Variants in ADAMTS6 observed in about 807,000 individuals in gnomAD.
ADAMTS6 encodes ADAM metallopeptidase with thrombospondin type 1 motif 6.
ADAMTS6 carries 23 observed loss-of-function variants against 144.3 expected under a neutral mutation model. The ratio of observed to expected loss-of-function variants is 0.16; its 90% CI spans 0.11 to 0.23. ADAMTS6 has a LOEUF of 0.23. Ranked by LOEUF, ADAMTS6 falls within the 10% of genes least tolerant of loss-of-function variation. The pLI, the probability that ADAMTS6 is intolerant of heterozygous loss-of-function variation, is 1.00. For missense variants in ADAMTS6, 999 were observed against 1,379.6 expected (o/e 0.72, Z 4.37); for synonymous variants, 444 against 457.5 (o/e 0.97, Z 0.38).
chr5:65,384,702 T>C (rs1226046862), intron 7 of ADAMTS6, among the ~76,000 whole-genome samples: 1 of 152,222 alleles, frequency 6.6e-6, no homozygotes, highest in East Asian at 1.9e-4. Context: ...TTCACAGCTA[T>C]GTACCACAAA....
At chr5:65,478,592 T>G (rs1419370609) in intron 1 of ADAMTS6, among the ~76,000 whole-genome samples, 1 of 152,344 alleles carries the variant, frequency 6.6e-6, no homozygotes. Flanking sequence ...CTTCCTTCAT[T>G]ATCTAACATC....
rs563571061 is a variant in ADAMTS6 at position 65,371,032 on chromosome 5, C to A, written c.1074-36947G>T. On this transcript the variant is annotated intron_variant, in intron 7 of 24. Coordinates refer to ENST00000381055, the MANE Select transcript of ADAMTS6 (RefSeq NM_197941.4). ...GGGGCACACTGACACCTCACATGGC[C>A]GGGTACTCCAACAGACCTGCAGCTG... Among the ~76,000 whole-genome samples, 870 of 152,084 alleles carry A rather than the reference C, an allele frequency of 5.7e-3. 5 individuals are homozygous for A. Among genetic ancestry groups the A allele is most frequent in the African/African-American group, 0.016 (651 of 41,506 alleles).
chr5:65,304,171 T>C (rs1417184680), intron 9 of ADAMTS6, among the ~76,000 whole-genome samples: 2 of 152,194 alleles, frequency 1.3e-5, no homozygotes, highest in Admixed American at 1.3e-4. Context: ...TAAGAGAATA[T>C]ATACTTCTGT....
At chr5:65,381,787 GA>G (rs1391445822) in intron 7 of ADAMTS6, among the ~76,000 whole-genome samples, 1 of 151,924 alleles carries the variant, frequency 6.6e-6, no homozygotes, top group Non-Finnish European at 1.5e-5. Context: ...TTAAAAAAAT[GA>G]AACTAAAGAA....
intron 7 of ADAMTS6, among the ~76,000 whole-genome samples, chr5:65,359,649 T>G (rs756416694): frequency 6.6e-5 from 10 of 152,140 alleles, no homozygotes; most frequent in Non-Finnish European, 1.5e-4. Context: ...AATGAAAACA[T>G]TCTACATAAA....
intron 7 of ADAMTS6, among the ~76,000 whole-genome samples, chr5:65,391,498 T>G (rs1752911674): frequency 6.6e-6 from 1 of 151,970 alleles, no homozygotes; most frequent in South Asian, 2.1e-4. Context: ...CCCCTTAATA[T>G]TTCAGTATGT....
intron 9 of ADAMTS6, among the ~76,000 whole-genome samples, chr5:65,312,479 G>A (rs1333742137): frequency 6.6e-6 from 1 of 151,964 alleles, no homozygotes; most frequent in Non-Finnish European, 1.5e-5. Context: ...TACCCAATAG[G>A]ATAATTATTA....
At chr5:65,273,824 TAA>T (rs1762244015) in intron 11 of ADAMTS6, among the ~76,000 whole-genome samples, 1 of 152,102 alleles carries the variant, frequency 6.6e-6, no homozygotes, top group Non-Finnish European at 1.5e-5. Context: ...CAATTACTAA[TAA>T]AGAGATGCCA....
chr5:65,439,223 C>T (rs995899750), intron 7 of ADAMTS6, among the ~76,000 whole-genome samples: 2 of 151,648 alleles, frequency 1.3e-5, no homozygotes, highest in Non-Finnish European at 2.9e-5. Flanking sequence ...GAAAGAATAA[C>T]GAGAGTTAGA....
intron 10 of ADAMTS6, among the ~76,000 whole-genome samples, chr5:65,296,065 T>C (rs1742807872): frequency 6.6e-6 from 1 of 152,140 alleles, no homozygotes; most frequent in Admixed American, 6.6e-5. Context: ...ATAACAGTTA[T>C]ACCATAAAAT....
intron 20 of ADAMTS6, among the ~76,000 whole-genome samples, chr5:65,208,141 T>C (rs1756245918): frequency 6.6e-6 from 1 of 152,234 alleles, no homozygotes; most frequent in African/African-American, 2.4e-5. Flanking sequence ...ATTCAACTAG[T>C]AGCCACTTAA....
chr5:65,249,853 C>T (rs1004641299), intron 14 of ADAMTS6, among the ~76,000 whole-genome samples: 16 of 152,180 alleles, frequency 1.1e-4, no homozygotes, highest in African/African-American at 3.6e-4. Context: ...TGCAACTCTC[C>T]CTGAGGGCAA....
At chr5:65,418,172 A>G (rs1002930670) in intron 7 of ADAMTS6, among the ~76,000 whole-genome samples, 9 of 152,046 alleles carry the variant, frequency 5.9e-5, no homozygotes, top group African/African-American at 2.2e-4. Context: ...GCTATATTCA[A>G]AATGAAACTG....
intron 7 of ADAMTS6, chr5:65,415,966 T>G (rs1410970569): frequency 5.5e-6 from 1 of 181,586 alleles, no homozygotes; most frequent in East Asian, 1.7e-4. Context: ...TCAGCCCCCA[T>G]GCCCAAGAAG....
rs1206247318 is a variant in ADAMTS6 at position 65,389,970 on chromosome 5, A to T, written c.1074-55885T>A. Among the ~76,000 whole-genome samples, 6 of 152,164 alleles carry T rather than the reference A, an allele frequency of 3.9e-5. No homozygotes were observed. In the East Asian group the frequency reaches 1.2e-3, roughly 29 times the overall value. ...CAACAGGATGTAGAGTGTTCAAGAG[A>T]ACTCTCAAAGCCCAAAATCACAGTG... On this transcript the variant is annotated intron_variant, in intron 7 of 24. Transcript: ENST00000381055.
chr5:65,213,611 G>A (rs1287880667), intron 20 of ADAMTS6, among the ~76,000 whole-genome samples: 1 of 150,942 alleles, frequency 6.6e-6, no homozygotes, highest in Non-Finnish European at 1.5e-5. Context: ...CTCCAGCTTG[G>A]GCAACAGAGC....
At chr5:65,346,670 G>GA (rs1248270933) in intron 7 of ADAMTS6, among the ~76,000 whole-genome samples, 1 of 151,250 alleles carries the variant, frequency 6.6e-6, no homozygotes, top group Non-Finnish European at 1.5e-5. Context: ...AAAAGAACAA[G>GA]AAAAAAATAA....
intron 7 of ADAMTS6, among the ~76,000 whole-genome samples, chr5:65,368,735 C>A (rs79918297): frequency 6.6e-6 from 1 of 152,114 alleles, no homozygotes; most frequent in Non-Finnish European, 1.5e-5. Context: ...GGACTGGCTA[C>A]CTCCAAACTT....
intron 21 of ADAMTS6, among the ~76,000 whole-genome samples, chr5:65,192,074 TTAAAA>T (rs1008666596): frequency 1.1e-3 from 174 of 152,154 alleles, no homozygotes; most frequent in African/African-American, 3.9e-3. Flanking sequence ...TTTTCTAAGC[TTAAAA>T]TAAGAGATGA....
Sources: gnomAD v4.1 joint callset for allele counts (sites outside exome capture counted in the v4.1 genomes callset) on GRCh38, gnomAD v4.1.1 for gene constraint, MANE v1.5 for transcripts, NCBI Gene and HGNC (gene_info 2026-07-23, HGNC 2026-07-21) for gene names.